Variants in EPHA6 observed in about 807,000 individuals in gnomAD.
EPHA6 encodes ephrin type-A receptor 6.
EPHA6 carries 50 observed loss-of-function variants against 112.0 expected under a neutral mutation model. That is an observed-to-expected ratio of 0.45 (90% CI 0.36 to 0.56). The LOEUF (loss-of-function observed/expected upper bound fraction) is 0.56. EPHA6 is among the 20% of genes least tolerant of loss of function. EPHA6 has a pLI of 0.00. For synonymous variants in EPHA6, 529 were observed against 490.7 expected, an observed-to-expected ratio of 1.08 and a Z score of -1.03; for missense variants, 1,280 against 1,417.4, an observed-to-expected ratio of 0.90 and a Z score of 1.56.
intron 5 of EPHA6, among the ~76,000 whole-genome samples, chr3:97,303,828 G>C (rs2081197061): frequency 6.6e-6 from 1 of 151,884 alleles, no homozygotes; most frequent in African/African-American, 2.4e-5. Context: ...AAAATTTTCA[G>C]AAAATATAAG....
intron 9 of EPHA6, among the ~76,000 whole-genome samples, chr3:97,480,206 T>C (rs1392023414): frequency 2.0e-5 from 3 of 151,900 alleles, no homozygotes; most frequent in Admixed American, 6.5e-5. Flanking sequence ...ATTAGAATTT[T>C]TCTTTTTTTT....
At chr3:97,317,092 A>T (rs1289783095) in intron 5 of EPHA6, among the ~76,000 whole-genome samples, 1 of 151,948 alleles carries the variant, frequency 6.6e-6, no homozygotes, top group African/African-American at 2.4e-5. Flanking sequence ...ATGTCTTTTC[A>T]ACTTGAATAG....
chr3:97,218,544 G>A (rs2078099553), intron 3 of EPHA6, among the ~76,000 whole-genome samples: 1 of 152,090 alleles, frequency 6.6e-6, no homozygotes, highest in Admixed American at 6.5e-5. Flanking sequence ...CTTGTAAGAA[G>A]TCACTCACTA....
At chr3:96,949,229 C>A (rs1050200360) in intron 2 of EPHA6, among the ~76,000 whole-genome samples, 14 of 151,694 alleles carry the variant, frequency 9.2e-5, no homozygotes, top group African/African-American at 3.4e-4. Context: ...GAATTTAATT[C>A]TAATACAAAA....
At chr3:97,737,334 G>A (rs1005293559) in intron 16 of EPHA6, among the ~76,000 whole-genome samples, 1 of 152,100 alleles carries the variant, frequency 6.6e-6, no homozygotes, top group Admixed American at 6.6e-5. Flanking sequence ...ACTGGAAACA[G>A]AGACAGTTTT....
intron 5 of EPHA6, among the ~76,000 whole-genome samples, chr3:97,304,406 A>G (rs1489036593): frequency 2.0e-5 from 3 of 152,046 alleles, no homozygotes; most frequent in African/African-American, 7.2e-5. Flanking sequence ...TTTAAAATTC[A>G]TATGGAACCA....
At chr3:97,333,416 A>G (rs1439846573) in intron 5 of EPHA6, among the ~76,000 whole-genome samples, 1 of 148,358 alleles carries the variant, frequency 6.7e-6, no homozygotes, top group East Asian at 2.0e-4. Context: ...CAGTCATGTC[A>G]TCTGCAACCA....
intron 11 of EPHA6, among the ~76,000 whole-genome samples, chr3:97,586,749 G>A (rs545665394): frequency 6.6e-6 from 1 of 152,288 alleles, no homozygotes; most frequent in South Asian, 2.1e-4. Flanking sequence ...CAGACAGACA[G>A]ACAGATAAGG....
At chr3:97,319,687 A>ACAAAAC (rs1407714091) in intron 5 of EPHA6, among the ~76,000 whole-genome samples, 1 of 150,632 alleles carries the variant, frequency 6.6e-6, no homozygotes, top group African/African-American at 2.4e-5. Flanking sequence ...AAAACAAAAA[A>ACAAAAC]CAAAAAAAAA....
At chr3:97,387,213 G>T (rs1449357559) in intron 5 of EPHA6, among the ~76,000 whole-genome samples, 1 of 152,088 alleles carries the variant, frequency 6.6e-6, no homozygotes, top group Non-Finnish European at 1.5e-5. Context: ...TCTGCAGCTA[G>T]CTTGAATTAC....
intron 3 of EPHA6, among the ~76,000 whole-genome samples, chr3:97,136,836 A>T (rs1033694189): frequency 6.6e-6 from 1 of 152,234 alleles, no homozygotes; most frequent in Admixed American, 6.5e-5. Context: ...AGATACCTTC[A>T]TATAAAAATA....
intron 6 of EPHA6, among the ~76,000 whole-genome samples, chr3:97,427,549 TG>T (rs1410227741): frequency 6.7e-6 from 1 of 149,542 alleles, no homozygotes; most frequent in Non-Finnish European, 1.5e-5. Context: ...GGGTGAAGAG[TG>T]GGAGGAGGAA....
At position 97,187,688 on chromosome 3, in the gene EPHA6, G is replaced by GGAAAA. The variant is rs1553718538; in HGVS notation, c.1115-38572_1115-38571insAGAAA. On this transcript the variant is annotated intron_variant, in intron 3 of 17. Transcript: ENST00000389672. ...GAAAGAAAGAAAGAGAAAGAAAGAA[G>GGAAAA]GAAAGAAAGAAAGAAAGAAAGAAAG... 3.7e-5 allele frequency among the ~76,000 whole-genome samples: 4 copies of GGAAAA among 108,016 alleles called. No homozygotes were observed. The East Asian group carries it at 1.1e-3, about 30-fold the overall frequency. 70.9% of individuals were successfully genotyped at this position (108,016 alleles called of 152,430 possible).
At chr3:97,103,530 G>A (rs1312693808) in intron 3 of EPHA6, among the ~76,000 whole-genome samples, 1 of 152,090 alleles carries the variant, frequency 6.6e-6, no homozygotes, top group Non-Finnish European at 1.5e-5. Context: ...ATGCTGTTTT[G>A]GTTAATGTAG....
intron 13 of EPHA6, among the ~76,000 whole-genome samples, chr3:97,615,995 G>T (rs575547850): frequency 2.0e-5 from 3 of 152,198 alleles, no homozygotes; most frequent in Non-Finnish European, 4.4e-5. Flanking sequence ...TTCTTGAAGA[G>T]TGTATCTAAT....
rs139579427 is a variant in EPHA6 at position 97,452,239 on chromosome 3, G to A, written c.1894+3509G>A. ...TCTCTAACTGGCTGACAAATGCTAA[G>A]ATTACTAATTATCACTGTTAGCATC... On this transcript the variant is annotated intron_variant, in intron 7 of 17. Coordinates refer to ENST00000389672, the MANE Select transcript of EPHA6 (RefSeq NM_001080448.3). Among the ~76,000 whole-genome samples the A allele has an allele frequency of 3.7e-3, 564 of 151,824 alleles. 4 individuals are homozygous for A. The highest frequency in any genetic ancestry group is 5.4e-3 in the Non-Finnish European group (367 of 67,770).
intron 5 of EPHA6, among the ~76,000 whole-genome samples, chr3:97,323,522 C>T (rs2082221358): frequency 6.6e-6 from 1 of 151,778 alleles, no homozygotes; most frequent in Admixed American, 6.6e-5. Context: ...TAAATTAGTA[C>T]TCAGGTCTGT....
chr3:96,859,942 TCTGCTA>T (rs1478237184), intron 1 of EPHA6, among the ~76,000 whole-genome samples: 12 of 152,284 alleles, frequency 7.9e-5, no homozygotes, highest in Middle Eastern at 6.8e-3. Flanking sequence ...TTTAATCTGT[TCTGCTA>T]TATATGCTAT....
At chr3:96,877,913 G>A (rs1284867658) in intron 2 of EPHA6, among the ~76,000 whole-genome samples, 1 of 131,212 alleles carries the variant, frequency 7.6e-6, no homozygotes, top group African/African-American at 3.7e-5. Context: ...ATGTGTGTGT[G>A]TATATATATA....
Sources: gnomAD v4.1 joint callset for allele counts (sites outside exome capture counted in the v4.1 genomes callset) on GRCh38, gnomAD v4.1.1 for gene constraint, MANE v1.5 for transcripts, NCBI Gene and HGNC (gene_info 2026-07-23, HGNC 2026-07-21) for gene names.